Variants in GIP observed in about 807,000 individuals in gnomAD.
GIP encodes the protein glucose-dependent insulinotropic polypeptide.
GIP carries 16 observed loss-of-function variants against 18.1 expected under a neutral mutation model. The observed-to-expected ratio is 0.88, with a 90% CI of 0.60 to 1.34. The LOEUF (loss-of-function observed/expected upper bound fraction) is 1.34. Ranked by LOEUF, GIP falls within the 40% of genes most tolerant of loss-of-function variation. GIP has a pLI of 0.00. For missense variants in GIP, 192 were observed against 183.4 expected, an observed-to-expected ratio of 1.05 and a Z score of -0.27; for synonymous variants, 76 against 74.0, an observed-to-expected ratio of 1.03 and a Z score of -0.14.
chr17:48,959,336 C>T (rs2041186832), intron 5 of GIP, among the ~76,000 whole-genome samples: 1 of 152,082 alleles, frequency 6.6e-6, no homozygotes, highest in African/African-American at 2.4e-5. Flanking sequence ...TCACAATATC[C>T]ACCTTCTTAC....
At chr17:48,960,706 T>G (rs2041195879) in intron 5 of GIP, among the ~76,000 whole-genome samples, 180 bp downstream of exon 5, 3 of 152,160 alleles carry the variant, frequency 2.0e-5, no homozygotes, top group Admixed American at 2.0e-4. Context: ...TCCACTTGCA[T>G]TCTCTTACTT....
In GIP at chr17:48,967,233, C is replaced by T. The variant is rs1452163474; in HGVS notation, c.-1G>A. 6.2e-7 allele frequency: 1 copy of T among 1,613,366 alleles called. No individual in the cohort carries two copies. Among genetic ancestry groups the T allele is most frequent in the African/African-American group, 1.3e-5 (1 of 74,870 alleles). On this transcript the variant is annotated 5_prime_UTR_variant, in exon 2 of 6. Transcript: ENST00000357424. ...GAGCAAAGGTCTTCGTGGCCACCAT[C>T]TTCCAAGGTTATTTCCTGAGCTAAG... is the stretch of plus-strand genomic sequence containing the variant.
chr17:48,964,517 G>A lies in GIP; in HGVS notation c.87-37C>T, dbSNP rs1197390697. On this transcript the variant is annotated intron_variant, in intron 2 of 5. Transcript: ENST00000357424. ...GGTGCGGAGAAGGGGCAGAGATGGGGGGAGAATCACAATGCTAGGGTAAAT... is the reference window on the plus strand; with the variant it reads ...GGTGCGGAGAAGGGGCAGAGATGGGAGGAGAATCACAATGCTAGGGTAAAT... The A allele has an allele frequency of 3.2e-6, 5 of 1,574,832 alleles. No homozygotes were observed. The African/African-American group carries it at 6.7e-5, about 21-fold the overall frequency.
intron 1 of GIP, among the ~76,000 whole-genome samples, chr17:48,967,926 C>T (rs1311754342): frequency 2.0e-5 from 3 of 151,764 alleles, no homozygotes; most frequent in African/African-American, 7.3e-5. Context: ...GTGGTGCGCG[C>T]CTGTGATCCC....
intron 5 of GIP, among the ~76,000 whole-genome samples, 181 bp downstream of exon 5, chr17:48,960,705 A>G (rs977200877): frequency 6.6e-6 from 1 of 151,632 alleles, no homozygotes; most frequent in African/African-American, 2.4e-5. Flanking sequence ...TTCCACTTGC[A>G]TTCTCTTACT....
chr17:48,967,112 C>T (rs1434665065), intron 2 of GIP, 35 bp downstream of exon 2: 1 of 1,463,814 alleles, frequency 6.8e-7, no homozygotes, highest in African/African-American at 1.4e-5. Flanking sequence ...CCTAACCCCT[C>T]CTCTGCCCCA....
chr17:48,961,017 T>A lies in GIP; in HGVS notation c.351-30A>T, dbSNP rs749531235. 6.6e-6 allele frequency: 10 copies of A among 1,505,154 alleles called. No individual in the cohort carries two copies. In the Admixed American group the frequency reaches 1.8e-4, roughly 28 times the overall value. The allele number at this position is 1,505,154 out of a possible 1,614,324, so 93.2% of individuals were successfully genotyped here. ...AAGGGAACAGTCTCTGGCTAACTAT[T>A]TTAGCCTGAGCTTCGCCCAGAGAGG... On this transcript the variant is annotated intron_variant, in intron 4 of 5. Transcript: ENST00000357424.
chr17:48,962,980 A>C (rs2041209430), intron 3 of GIP, among the ~76,000 whole-genome samples: 2 of 151,914 alleles, frequency 1.3e-5, no homozygotes, highest in Non-Finnish European at 2.9e-5. Context: ...GGTGGCGGGC[A>C]CCTGTAGTCC....
intron 4 of GIP, 150 bp downstream of exon 4, chr17:48,961,577 T>C: frequency 1.6e-6 from 1 of 611,432 alleles, no homozygotes; most frequent in Non-Finnish European, 2.9e-6. Context: ...TCCAGGAGTT[T>C]GCTCAATGAA....
intron 2 of GIP, among the ~76,000 whole-genome samples, chr17:48,965,962 A>T (rs1226971275): frequency 6.6e-6 from 1 of 152,088 alleles, no homozygotes; most frequent in Non-Finnish European, 1.5e-5. Context: ...TATGTTCTTA[A>T]CATCTACATG....
At chr17:48,965,138 C>CAAAAAAAAAAAAAAAAAAAAGAA (rs33956589) in intron 2 of GIP, among the ~76,000 whole-genome samples, 1 of 109,608 alleles carries the variant, frequency 9.1e-6, no homozygotes, top group Non-Finnish European at 1.7e-5. Context: ...GACTCCGTCT[C>CAAAAAAAAAAAAAAAAAAAAGAA]AAAAAAAAAA....
At chr17:48,967,029 G>T in intron 2 of GIP, 118 bp downstream of exon 2, 1 of 737,500 alleles carries the variant, frequency 1.4e-6, no homozygotes, top group Non-Finnish European at 2.3e-6. Flanking sequence ...TTTCCCTGGA[G>T]CTTCCTACCT....
chr17:48,962,313 G>T (rs754241132), intron 3 of GIP, among the ~76,000 whole-genome samples: 1 of 151,924 alleles, frequency 6.6e-6, no homozygotes, highest in Non-Finnish European at 1.5e-5. Flanking sequence ...CCACCTACCT[G>T]GGCCTCCCAA....
At chr17:48,958,792 A>G in intron 5 of GIP, 76 bp from the exon 6 acceptor site, 6 of 1,117,504 alleles carry the variant, frequency 5.4e-6, no homozygotes, top group Middle Eastern at 2.1e-4. Context: ...CTGGGACCCA[A>G]CCATTGTTGA....
chr17:48,966,339 T>C (rs549096902), intron 2 of GIP, among the ~76,000 whole-genome samples: 3 of 149,032 alleles, frequency 2.0e-5, no homozygotes, highest in African/African-American at 7.4e-5. Context: ...ATGGATCATC[T>C]AAGGTCAGGA....
chr17:48,959,225 T>A (rs2041186094), intron 5 of GIP, among the ~76,000 whole-genome samples: 2 of 152,192 alleles, frequency 1.3e-5, no homozygotes, highest in Non-Finnish European at 2.9e-5. Context: ...TGTTTACAGA[T>A]GTGATCATAG....
intron 4 of GIP, 44 bp downstream of exon 4, chr17:48,961,683 G>T: frequency 8.2e-7 from 1 of 1,220,692 alleles, no homozygotes. Context: ...TGGGGGCGGG[G>T]CAGGAGGCTT....
intron 1 of GIP, among the ~76,000 whole-genome samples, chr17:48,967,922 C>T (rs1221734317): frequency 1.3e-5 from 2 of 151,698 alleles, no homozygotes; most frequent in African/African-American, 4.8e-5. Context: ...TGTGGTGGTG[C>T]GCGCCTGTGA....
rs537556016 is a variant in GIP, at chr17:48,963,119, G to A, written c.257+1191C>T. The stretch of plus-strand genomic sequence containing the variant: ...AAAAAAAATCCGTCTCAAAAAAAAA[G>A]AAGTAAAGGATTAGGGAATAGCCCT... On this transcript the variant is annotated intron_variant, in intron 3 of 5. Coordinates refer to ENST00000357424, the MANE Select transcript of GIP (RefSeq NM_004123.3). Among the ~76,000 whole-genome samples, 19 of 151,918 alleles carry A rather than the reference G, an allele frequency of 1.3e-4. 1 individual carries two copies. In the South Asian group the frequency reaches 3.7e-3, roughly 30 times the overall value.
Sources: gnomAD v4.1 joint callset for allele counts (sites outside exome capture counted in the v4.1 genomes callset) on GRCh38, gnomAD v4.1.1 for gene constraint, MANE v1.5 for transcripts, NCBI Gene and HGNC (gene_info 2026-07-23, HGNC 2026-07-21) for gene names.